Variants in SYT14 observed in about 807,000 individuals in gnomAD.
SYT14 encodes the protein synaptotagmin 14, also known as synaptotagmin-14.
A neutral mutation model predicts 74.2 loss-of-function variants in SYT14; 32 were observed. That is an observed-to-expected ratio of 0.43 (90% confidence interval 0.33 to 0.58). The LOEUF is 0.58. Ranked by LOEUF, SYT14 falls within the 20% of genes least tolerant of loss-of-function variation. SYT14 has a pLI of 0.05. For missense variants in SYT14, 791 were observed against 981.8 expected, an observed-to-expected ratio of 0.81 and a Z score of 2.60; for synonymous variants, 298 against 337.7, an observed-to-expected ratio of 0.88 and a Z score of 1.29.
chr1:210,071,899 A>G (rs759404325), intron 5 of SYT14, among the ~76,000 whole-genome samples: 3 of 151,934 alleles, frequency 2.0e-5, no homozygotes, highest in African/African-American at 4.8e-5. Context: ...TATGGGCTAT[A>G]TAATATGAAT....
At chr1:210,048,450 A>G (rs2080926799) in intron 5 of SYT14, among the ~76,000 whole-genome samples, 1 of 152,212 alleles carries the variant, frequency 6.6e-6, no homozygotes, top group Non-Finnish European at 1.5e-5. Context: ...GTGGCAGACA[A>G]GACAAGAGAG....
At chr1:210,030,073 G>A (rs746771723) in intron 5 of SYT14, among the ~76,000 whole-genome samples, 1 of 152,016 alleles carries the variant, frequency 6.6e-6, no homozygotes, top group African/African-American at 2.4e-5. Context: ...TAGAGATGCA[G>A]CTGGTTTTTT....
At chr1:210,003,902 A>G (rs751037909) in intron 2 of SYT14, among the ~76,000 whole-genome samples, 19 of 152,036 alleles carry the variant, frequency 1.2e-4, no homozygotes, top group Admixed American at 1.2e-3. Context: ...TTTTTAACAA[A>G]TGCTGTTTCT....
At chr1:210,142,071 G>A (rs2082927073) in intron 7 of SYT14, among the ~76,000 whole-genome samples, 1 of 152,206 alleles carries the variant, frequency 6.6e-6, no homozygotes, top group Non-Finnish European at 1.5e-5. Flanking sequence ...TCTGAGTCAA[G>A]TAAAATCAAA....
chr1:209,949,931 G>T (rs917908843), intron 1 of SYT14, among the ~76,000 whole-genome samples: 3 of 152,214 alleles, frequency 2.0e-5, no homozygotes, highest in Middle Eastern at 3.4e-3. Context: ...AAATTTAAGA[G>T]GTTCTTTTAT....
intron 2 of SYT14, among the ~76,000 whole-genome samples, chr1:209,977,781 G>C (rs867309305): frequency 1.3e-5 from 2 of 152,120 alleles, no homozygotes; most frequent in Non-Finnish European, 2.9e-5. Context: ...AGTTCTCTTG[G>C]ATAATATCCT....
chr1:210,092,775 A>G (rs1464663972), intron 5 of SYT14, among the ~76,000 whole-genome samples: 3 of 152,314 alleles, frequency 2.0e-5, no homozygotes, highest in East Asian at 3.9e-4. Flanking sequence ...TGTGAATTCA[A>G]CCAACCTCAG....
intron 7 of SYT14, among the ~76,000 whole-genome samples, chr1:210,103,685 G>A (rs1353640581): frequency 3.3e-5 from 5 of 151,794 alleles, no homozygotes; most frequent in African/African-American, 1.2e-4. Flanking sequence ...TGTAAACTAA[G>A]TAAATCATCT....
chr1:210,034,489 A>G (rs1286036452), intron 5 of SYT14, among the ~76,000 whole-genome samples: 1 of 151,706 alleles, frequency 6.6e-6, no homozygotes, highest in Non-Finnish European at 1.5e-5. Context: ...GTGTTGTTGC[A>G]TAGATATATT....
chr1:210,030,601 G>A (rs1243663984), intron 5 of SYT14, among the ~76,000 whole-genome samples: 2 of 152,076 alleles, frequency 1.3e-5, no homozygotes, highest in East Asian at 1.9e-4. Flanking sequence ...AATTGCTCTG[G>A]CTAGGACTTT....
chr1:210,143,160 G>A (rs2082954911), intron 7 of SYT14, among the ~76,000 whole-genome samples: 1 of 152,040 alleles, frequency 6.6e-6, no homozygotes, highest in South Asian at 2.1e-4. Flanking sequence ...TATCTGGTTG[G>A]TCATGTGAGA....
At chr1:210,035,166 G>A (rs1485046605) in intron 5 of SYT14, among the ~76,000 whole-genome samples, 1 of 151,596 alleles carries the variant, frequency 6.6e-6, no homozygotes, top group Non-Finnish European at 1.5e-5. Context: ...TAGTCATTCT[G>A]ACTGGTGTCA....
At chr1:210,157,874 G>C (rs981413400) in intron 8 of SYT14, among the ~76,000 whole-genome samples, 1 of 152,070 alleles carries the variant, frequency 6.6e-6, no homozygotes, top group Admixed American at 6.6e-5. Context: ...GAAGTAAAAA[G>C]TTACTATAAT....
chr1:210,045,363 G>C (rs947632419), intron 5 of SYT14, among the ~76,000 whole-genome samples: 3 of 152,118 alleles, frequency 2.0e-5, no homozygotes, highest in Non-Finnish European at 2.9e-5. Context: ...TAGTTAATTT[G>C]TAGTTCATTT....
At chr1:210,096,994 C>G (rs1438387525) in intron 6 of SYT14, among the ~76,000 whole-genome samples, 1 of 152,214 alleles carries the variant, frequency 6.6e-6, no homozygotes, top group Non-Finnish European at 1.5e-5. Flanking sequence ...GTCTGTATTT[C>G]AGAAGCTGCT....
chr1:210,130,396 G>A (rs1227911367), intron 7 of SYT14, among the ~76,000 whole-genome samples: 1 of 152,140 alleles, frequency 6.6e-6, no homozygotes, highest in Non-Finnish European at 1.5e-5. Context: ...TTCATTGTAT[G>A]TAACCTAGAG....
chr1:210,091,604 C>A (rs573941548), intron 5 of SYT14, among the ~76,000 whole-genome samples: 1 of 152,262 alleles, frequency 6.6e-6, no homozygotes, highest in Admixed American at 6.5e-5. Context: ...GAGGGAGGAT[C>A]ACTTGAGCCT....
intron 5 of SYT14, among the ~76,000 whole-genome samples, chr1:210,040,313 A>G (rs982138808): frequency 2.0e-5 from 3 of 152,138 alleles, no homozygotes; most frequent in Non-Finnish European, 2.9e-5. Flanking sequence ...GTGGGAGTTA[A>G]ACAATGAGAA....
At chr1:210,152,270 A>G (rs1209074229) in intron 7 of SYT14, among the ~76,000 whole-genome samples, 3 of 152,190 alleles carry the variant, frequency 2.0e-5, no homozygotes, top group Non-Finnish European at 2.9e-5. Flanking sequence ...CCTTCTGTAT[A>G]TTAGTCCAAC....
Sources: gnomAD v4.1 joint callset for allele counts (sites outside exome capture counted in the v4.1 genomes callset) on GRCh38, gnomAD v4.1.1 for gene constraint, MANE v1.5 for transcripts, NCBI Gene and HGNC (gene_info 2026-07-23, HGNC 2026-07-21) for gene names.